The following TNS1 variants were observed in gnomAD, a reference collection of about 807,000 sequenced individuals.
TNS1 encodes the protein tensin 1, also known as tensin-1.
Under a neutral mutation model 168.6 loss-of-function variants are expected in TNS1, and 62 were observed. The observed-to-expected ratio is 0.37, with a 90% CI of 0.30 to 0.45. The LOEUF (loss-of-function observed/expected upper bound fraction) is 0.45, where lower values mean the gene tolerates loss of function less well. Among genes scored for constraint, TNS1 ranks in the 20% least tolerant of loss-of-function variants. The probability of loss-of-function intolerance (pLI) is 1.00; values close to 1 mark genes in which losing one functional copy is unlikely to be tolerated. For missense variants in TNS1, 2,240 were observed against 2,339.4 expected (o/e 0.96, Z 0.88); for synonymous variants, 934 against 933.2 (o/e 1.00, Z -0.02).
chr2:217,811,117 C>T (rs1940816845), intron 28 of TNS1, among the ~76,000 whole-genome samples: 1 of 152,108 alleles, frequency 6.6e-6, no homozygotes, highest in Admixed American at 6.5e-5. Flanking sequence ...TCACTTCGAG[C>T]AATCCTTCCA....
rs1179291841 is a variant in TNS1, at chr2:217,802,261, G to A, written c.*2198C>T. The A allele has an allele frequency of 6.6e-6, 1 of 152,228 alleles. No homozygotes were observed. Among genetic ancestry groups the A allele is most frequent in the East Asian group, 1.9e-4 (1 of 5,194 alleles). 9.4% of individuals were successfully genotyped at this position (152,228 alleles called of 1,614,324 possible). Reference sequence around the variant, plus strand: ...AGGAAGAGCACTTTGGAGGGACTTTGGTCACCAGGCACAAGGTTTCACTCT... The same window carrying A: ...AGGAAGAGCACTTTGGAGGGACTTTAGTCACCAGGCACAAGGTTTCACTCT... On this transcript the variant is annotated 3_prime_UTR_variant, in exon 33 of 33. Coordinates refer to ENST00000682258, the MANE Select transcript of TNS1 (RefSeq NM_001387777.1).
At chr2:217,883,284 A>G (rs1336398019) in intron 16 of TNS1, among the ~76,000 whole-genome samples, 1 of 152,026 alleles carries the variant, frequency 6.6e-6, no homozygotes, top group East Asian at 1.9e-4. Context: ...CTCTTTTTAG[A>G]GACCAGGTCT....
chr2:217,987,270 C>A (rs1001940081), intron 2 of TNS1, among the ~76,000 whole-genome samples: 1 of 152,196 alleles, frequency 6.6e-6, no homozygotes, highest in Non-Finnish European at 1.5e-5. Flanking sequence ...ATGCTCCTCA[C>A]AGCAGCCCCC....
intron 18 of TNS1, among the ~76,000 whole-genome samples, chr2:217,877,829 A>G (rs1950324162): frequency 6.6e-6 from 1 of 152,174 alleles, no homozygotes; most frequent in South Asian, 2.1e-4. Context: ...AGGTGGGGAC[A>G]CAGGCCACAC....
intron 3 of TNS1, among the ~76,000 whole-genome samples, chr2:217,969,418 T>G: frequency 6.6e-6 from 1 of 152,052 alleles, no homozygotes; most frequent in East Asian, 1.9e-4. Context: ...CAATAAATTC[T>G]TAGATATGAA....
chr2:217,854,769 A>G (rs1947926727), intron 18 of TNS1, among the ~76,000 whole-genome samples: 1 of 152,132 alleles, frequency 6.6e-6, no homozygotes, highest in South Asian at 2.1e-4. Flanking sequence ...AGGAGAGGCT[A>G]TGGCTGGGGC....
At chr2:217,841,194 C>G in intron 19 of TNS1, 1 of 984,468 alleles carries the variant, frequency 1.0e-6, no homozygotes, top group African/African-American at 1.7e-5. Flanking sequence ...AGGAGAGCCA[C>G]CCACCAGAGA....
chr2:217,940,854 C>T (rs137899901), intron 3 of TNS1, among the ~76,000 whole-genome samples: 7 of 151,878 alleles, frequency 4.6e-5, no homozygotes, highest in Non-Finnish European at 8.8e-5. Context: ...CATGGGAAGC[C>T]CAAACCTGTT....
intron 3 of TNS1, among the ~76,000 whole-genome samples, chr2:217,966,420 C>T (rs1372311893): frequency 6.6e-6 from 1 of 152,074 alleles, no homozygotes; most frequent in Non-Finnish European, 1.5e-5. Flanking sequence ...GTAGCTTCTC[C>T]CCCAAAACCT....
chr2:217,947,184 G>T (rs545208190), intron 3 of TNS1, among the ~76,000 whole-genome samples: 52 of 151,976 alleles, frequency 3.4e-4, no homozygotes, highest in African/African-American at 1.1e-3. Flanking sequence ...CCCAATGCAG[G>T]ATTGCACATC....
chr2:217,965,549 A>G (rs1292364910), intron 3 of TNS1, among the ~76,000 whole-genome samples: 1 of 152,084 alleles, frequency 6.6e-6, no homozygotes, highest in African/African-American at 2.4e-5. Context: ...GAGAACTACA[A>G]CTGAGTCTGA....
At position 217,802,074 on chromosome 2, in the gene TNS1, C is replaced by T. The variant is rs1391059336; in HGVS notation, c.*2385G>A. On this transcript the variant is annotated 3_prime_UTR_variant, in exon 33 of 33. Coordinates refer to ENST00000682258, the MANE Select transcript of TNS1 (RefSeq NM_001387777.1). ...TACACCGCCCAGCCTCAAGTGTGGA[C>T]AGAACATCCATGCCAGGAATAGGCT... 2.6e-5 allele frequency: 4 copies of T among 152,198 alleles called. No individual in the cohort carries two copies. The South Asian group carries it at 8.3e-4, about 32-fold the overall frequency. 9.4% of individuals were successfully genotyped at this position (152,198 alleles called of 1,614,324 possible).
At position 218,033,835 on chromosome 2, in the gene TNS1, C is replaced by T. The variant is rs1275209333; in HGVS notation, c.141G>A (p.Arg47=). The change falls in exon 1 of 2, where the codon AGG becomes AGA. Residue 47 remains arginine, a synonymous_variant. Transcript: ENST00000649572. This position sits in a 1 kb window ranked among gnomAD's most constrained non-coding sequence, Gnocchi z 4.3. ...CAGCCCCTACCTGAAGCGGTAGCTG[C>T]CTTCTCTCTGCACAGGCCAAACCCC... Among the ~76,000 whole-genome samples, 1 of 152,222 alleles carries T rather than the reference C, an allele frequency of 6.6e-6. No homozygotes were observed. Among genetic ancestry groups the T allele is most frequent in the South Asian group, 2.1e-4 (1 of 4,832 alleles).
chr2:217,914,773 C>T lies in TNS1; in HGVS notation c.228+5422G>A, dbSNP rs377410696. 1.4e-3 allele frequency among the ~76,000 whole-genome samples: 216 copies of T among 152,344 alleles called. 6 individuals carry two copies. In the South Asian group the frequency reaches 0.044, roughly 31 times the overall value. ...TGCTGGGATTATAGGCGTGAGCCAC[C>T]GCATCCAGCCTAAATGCTGTTCTTT... On this transcript the variant is annotated intron_variant, in intron 4 of 32. Transcript: ENST00000682258.
intron 3 of TNS1, among the ~76,000 whole-genome samples, chr2:217,934,663 C>A (rs1036206436): frequency 1.3e-5 from 2 of 152,210 alleles, no homozygotes; most frequent in African/African-American, 2.4e-5. Flanking sequence ...AGATTCTGGC[C>A]AGCCCAACCC....
rs1938014114 is a variant in TNS1, at chr2:217,804,428, C to T, written c.*31G>A. On this transcript the variant is annotated 3_prime_UTR_variant, in exon 33 of 33. Coordinates refer to ENST00000682258, the MANE Select transcript of TNS1 (RefSeq NM_001387777.1). The stretch of plus-strand genomic sequence containing the variant: ...GTCCCCTCCCCACAAGCCCCTTCCC[C>T]ATGGCACTGGCCCTGGGCAAGGGGC... 5 of 1,613,248 alleles carry T rather than the reference C, an allele frequency of 3.1e-6. No individual in the cohort carries two copies. The African/African-American group carries it at 4.0e-5, about 13-fold the overall frequency.
At chr2:217,923,606 G>A (rs1278315501) in intron 3 of TNS1, among the ~76,000 whole-genome samples, 1 of 152,172 alleles carries the variant, frequency 6.6e-6, no homozygotes, top group East Asian at 1.9e-4. Context: ...CATCCACGGA[G>A]CCATCCACAG....
chr2:217,871,948 G>A (rs997907023), intron 18 of TNS1, among the ~76,000 whole-genome samples: 5 of 152,218 alleles, frequency 3.3e-5, no homozygotes, highest in African/African-American at 1.2e-4. Flanking sequence ...AAAGCATTTT[G>A]GGCTACAGAT....
chr2:217,917,096 T>A (rs1457909108), intron 4 of TNS1, among the ~76,000 whole-genome samples: 1 of 152,122 alleles, frequency 6.6e-6, no homozygotes, highest in African/African-American at 2.4e-5. Flanking sequence ...TCTCCCGGTT[T>A]CCCCTGGGCC....
Sources: gnomAD v4.1 joint callset for allele counts (sites outside exome capture counted in the v4.1 genomes callset) on GRCh38, gnomAD v4.1.1 for gene constraint, Gnocchi (gnomAD v3.1) non-coding constraint, MANE v1.5 for transcripts, NCBI Gene and HGNC (gene_info 2026-07-23, HGNC 2026-07-21) for gene names.